MCCC1: variants seen among roughly 807,000 people sequenced by gnomAD.
The protein encoded by MCCC1 is methylcrotonyl-CoA carboxylase subunit 1, also known as methylcrotonoyl-CoA carboxylase subunit alpha, mitochondrial.
In MCCC1, 64 loss-of-function variants were observed where a neutral mutation model predicts 83.8. The ratio of observed to expected loss-of-function variants is 0.76; its 90% CI spans 0.62 to 0.94. The LOEUF (loss-of-function observed/expected upper bound fraction) is 0.94. MCCC1 is among the 40% of genes least tolerant of loss of function. The pLI, the probability that MCCC1 is intolerant of heterozygous loss-of-function variation, is 0.00. For missense variants in MCCC1, 807 were observed against 904.7 expected, an observed-to-expected ratio of 0.89 and a Z score of 1.39; for synonymous variants, 322 against 315.4, an observed-to-expected ratio of 1.02 and a Z score of -0.22.
At chr3:183,067,965 G>A (rs752655846) in intron 7 of MCCC1, among the ~76,000 whole-genome samples, 34 of 152,042 alleles carry the variant, frequency 2.2e-4, no homozygotes, top group Non-Finnish European at 3.4e-4. Flanking sequence ...TCAACATACC[G>A]ATGCTTTCTA....
At chr3:183,043,822 T>G (rs966664625) in intron 10 of MCCC1, among the ~76,000 whole-genome samples, 1 of 152,182 alleles carries the variant, frequency 6.6e-6, no homozygotes, top group East Asian at 1.9e-4. Flanking sequence ...CTTAGAAACC[T>G]TTTTTTCTCT....
At chr3:183,107,130 C>T (rs528795291) in intron 1 of MCCC1, among the ~76,000 whole-genome samples, 13 of 152,214 alleles carry the variant, frequency 8.5e-5, no homozygotes, top group African/African-American at 1.9e-4. Context: ...AGTGGCCAGG[C>T]GCAGTGGCTC....
chr3:183,041,898 T>C (rs1392439037), intron 10 of MCCC1, 148 bp from the exon 11 acceptor site: 3 of 907,324 alleles, frequency 3.3e-6, no homozygotes, highest in African/African-American at 3.3e-5. Context: ...GTCTACTCAT[T>C]TGAGTATTGG....
chr3:183,024,991 T>C (rs962899015), intron 15 of MCCC1, among the ~76,000 whole-genome samples: 2 of 150,542 alleles, frequency 1.3e-5, no homozygotes, highest in African/African-American at 2.4e-5. Flanking sequence ...TTCTCACATA[T>C]GCTACACCAT....
rs536309433 is a variant in MCCC1 at position 183,088,285 on chromosome 3, C to A, written c.274-1497G>T. 7.5e-4 allele frequency among the ~76,000 whole-genome samples: 113 copies of A among 151,376 alleles called. 1 individual carries two copies. Among genetic ancestry groups the A allele is most frequent in the South Asian group, 2.9e-3 (14 of 4,780 alleles). On this transcript the variant is annotated intron_variant, in intron 3 of 18. Transcript: ENST00000265594. Reference sequence around the variant, plus strand: ...GTAGTGGCGCGATCTCGGCTCACTGCAACCTCTGCCTCCCGGGTTCGAGCG... The same window carrying A: ...GTAGTGGCGCGATCTCGGCTCACTGAAACCTCTGCCTCCCGGGTTCGAGCG...
At chr3:183,084,541 G>A (rs1438366966) in intron 4 of MCCC1, among the ~76,000 whole-genome samples, 4 of 152,146 alleles carry the variant, frequency 2.6e-5, no homozygotes, top group Non-Finnish European at 5.9e-5. Context: ...ATATGCATTT[G>A]TATAAATTAA....
chr3:183,051,232 T>C (rs1714950306), intron 9 of MCCC1, among the ~76,000 whole-genome samples: 1 of 152,224 alleles, frequency 6.6e-6, no homozygotes, highest in African/African-American at 2.4e-5. Flanking sequence ...AGGGTGTTTA[T>C]AGCAGCTTTA....
chr3:183,025,557 A>T (rs1329275184), intron 15 of MCCC1, among the ~76,000 whole-genome samples, 198 bp downstream of exon 15: 1 of 152,224 alleles, frequency 6.6e-6, no homozygotes, highest in Admixed American at 6.5e-5. Flanking sequence ...TCACAGCCCA[A>T]CTGAGTAAAC....
chr3:183,102,212 T>C (rs1719323294), upstream of MCCC1, among the ~76,000 whole-genome samples: 1 of 151,762 alleles, frequency 6.6e-6, no homozygotes, highest in African/African-American at 2.4e-5. Flanking sequence ...AAACATTTTT[T>C]TAAAAAAACT....
rs747673414 is a variant in MCCC1, at chr3:183,017,261, C to G, written c.2049+5G>C. 1 of 1,613,362 alleles carries G rather than the reference C, an allele frequency of 6.2e-7. No individual in the cohort carries two copies. Among genetic ancestry groups the G allele is most frequent in the Non-Finnish European group, 8.5e-7 (1 of 1,179,734 alleles). On this transcript the variant is annotated splice_donor_5th_base_variant and intron_variant, in intron 18 of 18. Coordinates refer to ENST00000265594, the MANE Select transcript of MCCC1 (RefSeq NM_020166.5). ...TCATAGCAAATGAACTCATGATTTC[C>G]TTACCTCCATCTTCATGGCGATCAT... is the stretch of plus-strand genomic sequence containing the variant.
chr3:183,099,560 G>A (rs886946276), upstream of MCCC1: 3 of 1,214,052 alleles, frequency 2.5e-6, no homozygotes, highest in South Asian at 2.7e-5. Flanking sequence ...CGGAGCCTGA[G>A]CCTACCTTTG....
chr3:183,077,760 T>C (rs1364070768), intron 4 of MCCC1, among the ~76,000 whole-genome samples: 3 of 152,214 alleles, frequency 2.0e-5, no homozygotes, highest in Non-Finnish European at 2.9e-5. Context: ...GTCTGTGATA[T>C]ATTGTAAGTT....
intron 1 of MCCC1, among the ~76,000 whole-genome samples, chr3:183,097,486 G>C (rs954201345): frequency 1.6e-4 from 24 of 152,288 alleles, no homozygotes; most frequent in African/African-American, 5.5e-4. Flanking sequence ...TGGAACCCCT[G>C]GACTCAGGCC....
intron 4 of MCCC1, among the ~76,000 whole-genome samples, chr3:183,084,972 G>A (rs1178177516): frequency 6.6e-6 from 1 of 152,130 alleles, no homozygotes; most frequent in Non-Finnish European, 1.5e-5. Context: ...AAATAAAAAG[G>A]TGTCAGATAT....
intron 1 of MCCC1, among the ~76,000 whole-genome samples, chr3:183,095,190 G>C (rs1718651143): frequency 6.6e-6 from 1 of 152,086 alleles, no homozygotes. Flanking sequence ...GGCTGAGGCA[G>C]GAGAATGGCG....
At chr3:183,017,183 T>C (rs1312924193) in intron 18 of MCCC1, 83 bp downstream of exon 18, 63 of 1,227,688 alleles carry the variant, frequency 5.1e-5, no homozygotes, top group Non-Finnish European at 7.2e-6. Flanking sequence ...AAGGTGGTAT[T>C]AACTTACAAA....
At chr3:183,109,174 TA>T (rs1462871218) in intron 1 of MCCC1, among the ~76,000 whole-genome samples, 1 of 152,098 alleles carries the variant, frequency 6.6e-6, no homozygotes, top group East Asian at 1.9e-4. Flanking sequence ...GTATTTTTAG[TA>T]GAGACGGGGT....
Position 183,099,469 on chromosome 3 carries a change from C to T in MCCC1, c.-29G>A. 6.3e-7 allele frequency: 1 copy of T among 1,587,182 alleles called. No homozygotes were observed. Among genetic ancestry groups the T allele is most frequent in the Non-Finnish European group, 8.6e-7 (1 of 1,167,504 alleles). ...CCTGGAGCCCGGCCACTCCGTGACT[C>T]CCCAGTACAGAGGCAGCTGCGTCCC... is the stretch of plus-strand genomic sequence containing the variant. On this transcript the variant is annotated 5_prime_UTR_variant, in exon 1 of 19. Coordinates refer to ENST00000265594, the MANE Select transcript of MCCC1 (RefSeq NM_020166.5).
At chr3:183,026,657 C>T (rs892836222) in intron 14 of MCCC1, among the ~76,000 whole-genome samples, 1 of 152,104 alleles carries the variant, frequency 6.6e-6, no homozygotes, top group African/African-American at 2.4e-5. Context: ...TTGCAGTGAG[C>T]TGAGATCGCA....
Sources: gnomAD v4.1 joint callset for allele counts (sites outside exome capture counted in the v4.1 genomes callset) on GRCh38, gnomAD v4.1.1 for gene constraint, MANE v1.5 for transcripts, NCBI Gene and HGNC (gene_info 2026-07-23, HGNC 2026-07-21) for gene names.